The following PTHLH variants were observed in gnomAD, a reference collection of about 807,000 sequenced individuals.
PTHLH encodes the protein parathyroid hormone-related protein.
PTHLH carries 5 observed loss-of-function variants against 18.6 expected under a neutral mutation model. The ratio of observed to expected loss-of-function variants is 0.27; its 90% CI spans 0.14 to 0.56. The LOEUF (loss-of-function observed/expected upper bound fraction) is 0.56, where lower values mean the gene tolerates loss of function less well. PTHLH is among the 20% of genes least tolerant of loss of function. The pLI is 0.92. For synonymous variants in PTHLH, 90 were observed against 94.0 expected, an observed-to-expected ratio of 0.96 and a Z score of 0.25; for missense variants, 207 against 223.9, an observed-to-expected ratio of 0.92 and a Z score of 0.48.
chr12:27,961,855 C>T (rs1184365373), intron 5 of PTHLH: 2 of 642,834 alleles, frequency 3.1e-6, no homozygotes, highest in Admixed American at 2.9e-5. Flanking sequence ...GAAGCATCAT[C>T]CTATAATCCT....
At chr12:27,963,302 A>G (rs2062777491) in intron 5 of PTHLH, 46 bp downstream of exon 5, 10 of 1,613,976 alleles carry the variant, frequency 6.2e-6, no homozygotes, top group African/African-American at 1.3e-5. Flanking sequence ...TCCAAAACCC[A>G]GCTGAGAGCA....
intron 5 of PTHLH, among the ~76,000 whole-genome samples, chr12:27,961,311 A>ACGTATATATATATATATACG (rs3032442): frequency 9.2e-6 from 1 of 108,722 alleles, no homozygotes; most frequent in African/African-American, 3.8e-5. Flanking sequence ...GTATATATAT[A>ACGTATATATATATATATACG]TATATATATA....
At chr12:27,968,529 T>A (rs1298647331) in intron 4 of PTHLH, among the ~76,000 whole-genome samples, 4 of 152,224 alleles carry the variant, frequency 2.6e-5, no homozygotes, top group Non-Finnish European at 5.9e-5. Context: ...TACACATTAG[T>A]GAACTGCTAG....
At position 27,963,455 on chromosome 12, in the gene PTHLH, T is replaced by A. The variant is rs1282566863; in HGVS notation, c.417A>T (p.Lys139Asn). The change falls in exon 5 of 6, where the codon AAA becomes AAT. Residue 139 changes from lysine (K) to asparagine (N), a missense_variant. By Grantham distance (94) the Lys-to-Asn change is moderately conservative. Transcript: ENST00000545234. Reference protein sequence around the residue: ...KPGKRKEQEKKKRRTRSAWLD... With the variant: ...KPGKRKEQEKNKRRTRSAWLD... ...ACCAGGCAGAGCGAGTTCGCCGTTTTTTCTTTTCCTGCTCCTTGCGTTTCC... is the reference window on the plus strand; with the variant it reads ...ACCAGGCAGAGCGAGTTCGCCGTTTATTCTTTTCCTGCTCCTTGCGTTTCC... 1 of 1,614,210 alleles carries A rather than the reference T, an allele frequency of 6.2e-7. No individual in the cohort carries two copies. Among genetic ancestry groups the A allele is most frequent in the South Asian group, 1.1e-5 (1 of 91,088 alleles).
At chr12:27,968,073 A>C (rs1479999546) in intron 4 of PTHLH, among the ~76,000 whole-genome samples, 1 of 152,232 alleles carries the variant, frequency 6.6e-6, no homozygotes, top group Non-Finnish European at 1.5e-5. Context: ...AAATTATTGA[A>C]TTTAAGACAA....
intron 5 of PTHLH, 100 bp downstream of exon 5, chr12:27,963,248 G>A: frequency 6.3e-7 from 1 of 1,588,972 alleles, no homozygotes. Flanking sequence ...GATACATAAA[G>A]GGAGAAAATT....
At chr12:27,962,827 A>G in intron 5 of PTHLH, 1 of 969,844 alleles carries the variant, frequency 1.0e-6, no homozygotes, top group Non-Finnish European at 1.2e-6. Flanking sequence ...TTGAGATTTA[A>G]TTAAATACAT....
chr12:27,972,062 A>T (rs899963639), intron 1 of PTHLH, 43 bp from the exon 2 acceptor site: 1 of 151,054 alleles, frequency 6.6e-6, no homozygotes, highest in African/African-American at 2.4e-5. Flanking sequence ...TCAATCACAA[A>T]TGAGCCATTT....
chr12:27,963,061 T>C (rs985094702), intron 5 of PTHLH: 1 of 1,301,362 alleles, frequency 7.7e-7, no homozygotes, highest in Non-Finnish European at 9.8e-7. Flanking sequence ...AGCTTGAATA[T>C]GAAATTATTT....
At chr12:27,963,137 C>T (rs1201041505) in intron 5 of PTHLH, 2 of 1,449,532 alleles carry the variant, frequency 1.4e-6, no homozygotes, top group East Asian at 2.5e-5. Context: ...TAGCGCCTCT[C>T]TATGGTGCTG....
intron 2 of PTHLH, among the ~76,000 whole-genome samples, chr12:27,970,628 C>T (rs2062863546): frequency 6.6e-6 from 1 of 151,946 alleles, no homozygotes. Flanking sequence ...GAGCCGAGAT[C>T]CCCGAGGGCG....
intron 4 of PTHLH, among the ~76,000 whole-genome samples, chr12:27,966,343 A>G (rs1157906529): frequency 6.6e-6 from 1 of 152,240 alleles, no homozygotes; most frequent in Non-Finnish European, 1.5e-5. Flanking sequence ...TATCTTGGAA[A>G]ACACAAGTTT....
chr12:27,970,745 C>T (rs990931881), intron 2 of PTHLH, among the ~76,000 whole-genome samples: 5 of 152,080 alleles, frequency 3.3e-5, no homozygotes, highest in African/African-American at 1.2e-4. Context: ...GGAGCTGGGC[C>T]GGGGACCGCG....
At chr12:27,969,786 T>C (rs929345163) in intron 3 of PTHLH, 1 of 635,644 alleles carries the variant, frequency 1.6e-6, no homozygotes, top group African/African-American at 1.8e-5. Flanking sequence ...TCTGAAATAA[T>C]AGCGAAAATA....
chr12:27,969,798 A>G (rs774414612), intron 3 of PTHLH: 7 of 605,258 alleles, frequency 1.2e-5, no homozygotes, highest in Non-Finnish European at 2.2e-5. Context: ...GCGAAAATAA[A>G]ATGGTTTTAT....
chr12:27,961,289 A>ATATATATATATAAG (rs1216700849), intron 5 of PTHLH, among the ~76,000 whole-genome samples: 5,505 of 31,254 alleles, frequency 0.18, 382 homozygotes, highest in Non-Finnish European at 0.23. Flanking sequence ...ATATATACGT[A>ATATATATATATAAG]TATATATATA....
chr12:27,969,595 C>T, intron 3 of PTHLH, 79 bp from the exon 4 acceptor site: 3 of 1,258,318 alleles, frequency 2.4e-6, no homozygotes, highest in Non-Finnish European at 3.4e-6. Flanking sequence ...CCCTTTTTAG[C>T]CCGCTCTCAA....
intron 5 of PTHLH, 153 bp downstream of exon 5, chr12:27,963,195 A>G: frequency 1.3e-6 from 2 of 1,526,166 alleles, no homozygotes; most frequent in Non-Finnish European, 1.8e-6. Flanking sequence ...AAGGCAGACA[A>G]TATTCTGAGT....
chr12:27,966,322 G>A (rs185671511), intron 4 of PTHLH, among the ~76,000 whole-genome samples: 397 of 152,310 alleles, frequency 2.6e-3, no homozygotes, highest in East Asian at 0.012. Context: ...CCTTTTGGGG[G>A]AAACTGTTAG....
Sources: gnomAD v4.1 joint callset for allele counts (sites outside exome capture counted in the v4.1 genomes callset) on GRCh38, gnomAD v4.1.1 for gene constraint, MANE v1.5 for transcripts, NCBI Gene and HGNC (gene_info 2026-07-23, HGNC 2026-07-21) for gene names.